Variants in CERS6 observed in about 807,000 individuals in gnomAD.
CERS6 encodes the protein LAG1 homolog, ceramide synthase 6.
Under a neutral mutation model 56.8 loss-of-function variants are expected in CERS6, and 26 were observed. The observed-to-expected ratio is 0.46, with a 90% CI of 0.34 to 0.63. The LOEUF is 0.63. Among genes scored for constraint, CERS6 ranks in the 30% least tolerant of loss-of-function variants. The pLI, the probability that CERS6 is intolerant of heterozygous loss-of-function variation, is 0.01. For synonymous variants in CERS6, 164 were observed against 173.3 expected (o/e 0.95, Z 0.42); for missense variants, 415 against 467.5 (o/e 0.89, Z 1.04).
intron 4 of CERS6, among the ~76,000 whole-genome samples, chr2:168,668,679 C>T (rs1685830172): frequency 1.3e-5 from 2 of 152,220 alleles, no homozygotes; most frequent in Admixed American, 6.5e-5. Flanking sequence ...GTCCCGAACT[C>T]CTGACCTCAG....
intron 8 of CERS6, among the ~76,000 whole-genome samples, chr2:168,754,871 C>T (rs187374139): frequency 1.9e-4 from 29 of 152,276 alleles, no homozygotes; most frequent in Non-Finnish European, 2.4e-4. Flanking sequence ...GATCCTCCTG[C>T]GCTCAAGTGA....
chr2:168,645,338 T>G (rs4668089), intron 4 of CERS6, among the ~76,000 whole-genome samples: 46,645 of 149,148 alleles, frequency 0.31, 7,979 homozygotes, highest in South Asian at 0.45. Flanking sequence ...CCCACAGAGA[T>G]GAGAAAGCAC....
At chr2:168,721,607 A>T (rs1161782992) in intron 8 of CERS6, among the ~76,000 whole-genome samples, 15 of 142,636 alleles carry the variant, frequency 1.1e-4, no homozygotes, top group Admixed American at 7.7e-4. Context: ...GAAAAAGAAC[A>T]TTTGGTAGTG....
chr2:168,687,108 C>T (rs867143702), intron 4 of CERS6, among the ~76,000 whole-genome samples: 1 of 152,270 alleles, frequency 6.6e-6, no homozygotes, highest in Middle Eastern at 3.4e-3. Context: ...CTTTTAGGGG[C>T]ACCGTCCCCA....
chr2:168,511,582 G>T (rs1214045693), intron 1 of CERS6, among the ~76,000 whole-genome samples: 2 of 152,126 alleles, frequency 1.3e-5, no homozygotes, highest in Non-Finnish European at 2.9e-5. Context: ...TTAGGCTGAG[G>T]ACTTAGAAAC....
In CERS6 at chr2:168,772,047, T is replaced by G. The variant is rs895517210; in HGVS notation, c.*2385T>G. ...TTTGCAGGCTTTTTATGGTGAAGAA[T>G]AATATATCTCTGTCTATAGCTTTCC... On this transcript the variant is annotated 3_prime_UTR_variant, in exon 10 of 10. Coordinates refer to ENST00000305747, the MANE Select transcript of CERS6 (RefSeq NM_203463.3). 1 of 152,190 alleles carries G rather than the reference T, an allele frequency of 6.6e-6. No homozygotes were observed. Among genetic ancestry groups the G allele is most frequent in the Non-Finnish European group, 1.5e-5 (1 of 68,028 alleles). 9.4% of individuals were successfully genotyped at this position (152,190 alleles called of 1,614,324 possible).
intron 8 of CERS6, among the ~76,000 whole-genome samples, chr2:168,724,526 T>A (rs7609095): frequency 2.6e-5 from 4 of 151,580 alleles, no homozygotes; most frequent in Non-Finnish European, 5.9e-5. Context: ...TGATTGGTGC[T>A]TTTACAATCT....
At chr2:168,736,089 G>C (rs757871713) in intron 8 of CERS6, among the ~76,000 whole-genome samples, 48 of 151,960 alleles carry the variant, frequency 3.2e-4, no homozygotes, top group Non-Finnish European at 6.5e-4. Context: ...GTGGTGTTTT[G>C]ATTTGGTATT....
chr2:168,597,253 A>C (rs138808633), intron 3 of CERS6, among the ~76,000 whole-genome samples: 3 of 152,190 alleles, frequency 2.0e-5, no homozygotes, highest in African/African-American at 7.2e-5. Context: ...AGCATTATTT[A>C]TTATATAAAT....
At chr2:168,490,079 T>C (rs1043352401) in intron 1 of CERS6, among the ~76,000 whole-genome samples, 2 of 152,198 alleles carry the variant, frequency 1.3e-5, no homozygotes, top group African/African-American at 4.8e-5. Flanking sequence ...TCAAAGCCTT[T>C]GTGATGCAAC....
chr2:168,763,003 A>G (rs902256116), intron 8 of CERS6, among the ~76,000 whole-genome samples: 2 of 152,100 alleles, frequency 1.3e-5, no homozygotes, highest in Non-Finnish European at 2.9e-5. Flanking sequence ...CCTTTTGAGC[A>G]GCTGGAACTG....
rs1005032104 is a variant in CERS6, at chr2:168,456,438, G to A, written c.-11G>A. The A allele has an allele frequency of 2.5e-6, 4 of 1,610,936 alleles. No homozygotes were observed. The highest frequency in any genetic ancestry group is 2.7e-5 in the African/African-American group (2 of 74,738). ...CTGCGGGTGCCGCAGGACAGGAGTG[G>A]ACAAAGCAAGATGGCAGGGATCTTA... On this transcript the variant is annotated 5_prime_UTR_variant, in exon 1 of 10. Coordinates refer to ENST00000305747, the MANE Select transcript of CERS6 (RefSeq NM_203463.3). The surrounding 1 kb of genome is among the most constrained non-coding windows in gnomAD (Gnocchi z 4.1).
chr2:168,505,032 C>T (rs12479292), intron 1 of CERS6, among the ~76,000 whole-genome samples: 56,048 of 151,758 alleles, frequency 0.37, 12,248 homozygotes, highest in East Asian at 0.64. Flanking sequence ...TCAATTGATA[C>T]GGTTTCTGAA....
rs138499420 is a variant in CERS6 at position 168,586,341 on chromosome 2, T to C, written c.407+25019T>C. On this transcript the variant is annotated intron_variant, in intron 3 of 9. Coordinates refer to ENST00000305747, the MANE Select transcript of CERS6 (RefSeq NM_203463.3). ...AACAACGTTTCTTTCCTTTGCCCAT[T>C]ATAAAACACCCTTTGAAAGCATTTG... is the stretch of plus-strand genomic sequence containing the variant. 4.4e-3 allele frequency among the ~76,000 whole-genome samples: 675 copies of C among 152,300 alleles called. 7 individuals carry two copies. Among genetic ancestry groups the C allele is most frequent in the African/African-American group, 0.015 (629 of 41,564 alleles).
At chr2:168,466,854 A>C (rs1468239673) in intron 1 of CERS6, among the ~76,000 whole-genome samples, 1 of 152,190 alleles carries the variant, frequency 6.6e-6, no homozygotes, top group Non-Finnish European at 1.5e-5. Context: ...TTTTAATTGC[A>C]GGAGAGATGC....
intron 3 of CERS6, among the ~76,000 whole-genome samples, chr2:168,611,570 A>T (rs1263689805): frequency 6.6e-6 from 1 of 152,228 alleles, no homozygotes; most frequent in Non-Finnish European, 1.5e-5. Flanking sequence ...TGGTCGATTT[A>T]TCCGTGTATC....
intron 8 of CERS6, among the ~76,000 whole-genome samples, chr2:168,761,708 G>C (rs1441241587): frequency 1.3e-5 from 2 of 152,140 alleles, no homozygotes; most frequent in Non-Finnish European, 2.9e-5. Flanking sequence ...GGGTGCTGGA[G>C]ATAGAAAAGT....
chr2:168,556,029 G>A (rs971842765), intron 2 of CERS6, among the ~76,000 whole-genome samples: 4 of 151,888 alleles, frequency 2.6e-5, no homozygotes, highest in African/African-American at 9.7e-5. Context: ...TTTACACATG[G>A]TGACATGGTT....
chr2:168,687,491 T>G (rs1305082749), intron 4 of CERS6, among the ~76,000 whole-genome samples: 1 of 152,178 alleles, frequency 6.6e-6, no homozygotes, highest in Non-Finnish European at 1.5e-5. Flanking sequence ...GCCTGCATTT[T>G]AACAGTTGGT....
Sources: allele counts gnomAD v4.1 joint callset (sites outside exome capture counted in the v4.1 genomes callset), GRCh38; gene constraint gnomAD v4.1.1; non-coding constraint Gnocchi (gnomAD v3.1); transcripts MANE v1.5; gene names NCBI Gene and HGNC (gene_info 2026-07-23, HGNC 2026-07-21).